The following PTPRN2 variants were observed in gnomAD, a reference collection of about 807,000 sequenced individuals.
The protein encoded by PTPRN2 is receptor-type tyrosine-protein phosphatase N2.
In PTPRN2, 74 loss-of-function variants were observed where a neutral mutation model predicts 118.8. The ratio of observed to expected loss-of-function variants is 0.62; its 90% confidence interval spans 0.52 to 0.76. The LOEUF (loss-of-function observed/expected upper bound fraction) is 0.76. PTPRN2 is among the 30% of genes least tolerant of loss of function. The probability of loss-of-function intolerance (pLI) is 0.00; values close to 1 mark genes in which losing one functional copy is unlikely to be tolerated. For synonymous variants in PTPRN2, 641 were observed against 608.0 expected, an observed-to-expected ratio of 1.05 and a Z score of -0.80; for missense variants, 1,481 against 1,394.4, an observed-to-expected ratio of 1.06 and a Z score of -0.99.
intron 1 of PTPRN2, among the ~76,000 whole-genome samples, chr7:158,533,436 G>T (rs991858508): frequency 6.6e-6 from 1 of 152,190 alleles, no homozygotes; most frequent in Non-Finnish European, 1.5e-5. Context: ...CAAGGAGATC[G>T]CACCTTTGCC....
chr7:158,408,864 G>A (rs551324517), intron 2 of PTPRN2, among the ~76,000 whole-genome samples: 9 of 151,424 alleles, frequency 5.9e-5, no homozygotes, highest in East Asian at 1.9e-4. Flanking sequence ...ACATTGACAC[G>A]ACTCACCCCA....
At chr7:158,225,504 C>T (rs1828696721) in intron 3 of PTPRN2, among the ~76,000 whole-genome samples, 1 of 152,194 alleles carries the variant, frequency 6.6e-6, no homozygotes, top group Admixed American at 6.5e-5. Context: ...TAGACAACAC[C>T]TGCATAACCA....
At position 158,523,644 on chromosome 7, in the gene PTPRN2, A is replaced by AGTC. The variant is rs1203240194; in HGVS notation, c.113-33862_113-33860dup. 1.1e-4 allele frequency among the ~76,000 whole-genome samples: 7 copies of AGTC among 60,886 alleles called. No homozygotes were observed. The East Asian group carries it at 2.6e-3, about 22-fold the overall frequency. 39.9% of individuals were successfully genotyped at this position (60,886 alleles called of 152,430 possible). ...AGTGGAGTCATCTGCCCTGGAGCGGAGTCTGCCCTGGAGTGGAGTCGTCTG... is the reference window on the plus strand; with the variant it reads ...AGTGGAGTCATCTGCCCTGGAGCGGAGTCGTCTGCCCTGGAGTGGAGTCGTCTG... On this transcript the variant is annotated intron_variant, in intron 1 of 22. Transcript: ENST00000389418.
intron 11 of PTPRN2, among the ~76,000 whole-genome samples, chr7:157,962,899 C>G (rs1387900879): frequency 6.6e-6 from 1 of 152,216 alleles, no homozygotes; most frequent in Non-Finnish European, 1.5e-5. Context: ...TAACCTTGAG[C>G]AAGGTAGTCT....
At chr7:158,566,823 C>G (rs1397161608) in intron 1 of PTPRN2, among the ~76,000 whole-genome samples, 1 of 152,166 alleles carries the variant, frequency 6.6e-6, no homozygotes, top group East Asian at 1.9e-4. Flanking sequence ...TCAAGCAACT[C>G]TCCTGCCTCA....
At position 157,609,038 on chromosome 7, in the gene PTPRN2, C is replaced by T. The variant is rs753485865; in HGVS notation, c.2345-4963G>A. 1.3e-5 allele frequency among the ~76,000 whole-genome samples: 2 copies of T among 152,204 alleles called. No individual in the cohort carries two copies. Among genetic ancestry groups the T allele is most frequent in the Non-Finnish European group, 2.9e-5 (2 of 68,044 alleles). On this transcript the variant is annotated intron_variant, in intron 15 of 22. Coordinates refer to ENST00000389418, the MANE Select transcript of PTPRN2 (RefSeq NM_002847.5). This position sits in a 1 kb window ranked among gnomAD's most constrained non-coding sequence, Gnocchi z 4.9. ...TTGGGTTAAATTAACCCACTGTGCA[C>T]GTTCCTTTTCTGACCCTTTACTGTG... is the stretch of plus-strand genomic sequence containing the variant.
chr7:158,363,738 G>C (rs1318402800), intron 2 of PTPRN2, among the ~76,000 whole-genome samples: 2 of 152,164 alleles, frequency 1.3e-5, no homozygotes, highest in African/African-American at 2.4e-5. Flanking sequence ...AGGTCGGGAG[G>C]GGGCGGGGCA....
chr7:158,552,149 G>A (rs1826696599), intron 1 of PTPRN2, among the ~76,000 whole-genome samples: 1 of 125,432 alleles, frequency 8.0e-6, no homozygotes, highest in South Asian at 2.7e-4. Flanking sequence ...GCATCAGGGT[G>A]GGGCTCTAAC....
intron 1 of PTPRN2, among the ~76,000 whole-genome samples, chr7:158,490,283 A>T (rs1359919399): frequency 6.6e-6 from 1 of 152,190 alleles, no homozygotes; most frequent in East Asian, 1.9e-4. Flanking sequence ...GGCCACAGAC[A>T]AGAGACGCAG....
intron 13 of PTPRN2, among the ~76,000 whole-genome samples, chr7:157,664,697 T>C (rs1796049476): frequency 6.6e-6 from 1 of 152,206 alleles, no homozygotes; most frequent in African/African-American, 2.4e-5. Flanking sequence ...AGGATGAGGC[T>C]GCAGTGAGCT....
At chr7:158,253,858 A>C (rs1796848552) in intron 3 of PTPRN2, among the ~76,000 whole-genome samples, 3 of 151,948 alleles carry the variant, frequency 2.0e-5, no homozygotes, top group East Asian at 3.9e-4. Context: ...GAGCAGAGGA[A>C]GCATCCCTGT....
At chr7:157,567,599 C>T (rs1158300180) in intron 21 of PTPRN2, among the ~76,000 whole-genome samples, 5 of 151,938 alleles carry the variant, frequency 3.3e-5, no homozygotes, top group Non-Finnish European at 7.4e-5. Context: ...TGCTGGCATT[C>T]GTGGAAGTGT....
At chr7:158,428,884 A>G (rs919001555) in intron 2 of PTPRN2, among the ~76,000 whole-genome samples, 2 of 152,224 alleles carry the variant, frequency 1.3e-5, no homozygotes, top group African/African-American at 4.8e-5. Context: ...AGCTACCGTC[A>G]TGCAGATCGT....
intron 4 of PTPRN2, among the ~76,000 whole-genome samples, chr7:158,192,787 G>A (rs10268228): frequency 0.23 from 34,951 of 152,106 alleles, 4,595 homozygotes; most frequent in African/African-American, 0.36. Flanking sequence ...CAAGGGGAGG[G>A]GAGAAAGGGA....
intron 5 of PTPRN2, among the ~76,000 whole-genome samples, chr7:158,188,332 C>G (rs376253611): frequency 7.2e-4 from 22 of 30,662 alleles, no homozygotes; most frequent in East Asian, 1.1e-3. Flanking sequence ...CGCTCGCCCC[C>G]TGATGGGGAA....
At chr7:158,119,859 C>G (rs905819577) in intron 9 of PTPRN2, among the ~76,000 whole-genome samples, 1 of 151,952 alleles carries the variant, frequency 6.6e-6, no homozygotes, top group Non-Finnish European at 1.5e-5. Context: ...ACTACTTTGC[C>G]CAAAAGAATT....
chr7:157,579,230 C>T (rs10273792), intron 17 of PTPRN2, among the ~76,000 whole-genome samples: 6,164 of 152,258 alleles, frequency 0.04, 399 homozygotes, highest in African/African-American at 0.14. Context: ...CCTCAAGGCA[C>T]CTCACTGTGT....
intron 2 of PTPRN2, among the ~76,000 whole-genome samples, chr7:158,368,198 C>A (rs182480949): frequency 1.3e-5 from 2 of 152,278 alleles, no homozygotes; most frequent in African/African-American, 4.8e-5. Context: ...GATTCTAGAG[C>A]CTCCTGCACC....
rs56906681 is a variant in PTPRN2 at position 157,726,135 on chromosome 7, A to G, written c.1789-43198T>C. Reference sequence around the variant, plus strand: ...CTGGATATCCACATGCAGAGGAATGAGCCAGACTCTCGCCTCCCAGGAAAA... The same window carrying G: ...CTGGATATCCACATGCAGAGGAATGGGCCAGACTCTCGCCTCCCAGGAAAA... On this transcript the variant is annotated intron_variant, in intron 12 of 22. Transcript: ENST00000389418. 4.6e-4 allele frequency among the ~76,000 whole-genome samples: 24 copies of G among 52,214 alleles called. 3 individuals are homozygous for G. Among genetic ancestry groups the G allele is most frequent in the African/African-American group, 8.1e-4 (9 of 11,102 alleles). 34.3% of individuals were successfully genotyped at this position (52,214 alleles called of 152,430 possible).
Sources: gnomAD v4.1 joint callset for allele counts (sites outside exome capture counted in the v4.1 genomes callset) on GRCh38, gnomAD v4.1.1 for gene constraint, Gnocchi (gnomAD v3.1) non-coding constraint, MANE v1.5 for transcripts, NCBI Gene and HGNC (gene_info 2026-07-23, HGNC 2026-07-21) for gene names.